The following IRF2 variants were observed in gnomAD, a reference collection of about 807,000 sequenced individuals.
IRF2 encodes the protein interferon regulatory factor 2.
IRF2 carries 15 observed loss-of-function variants against 40.6 expected under a neutral mutation model. The observed-to-expected ratio is 0.37, with a 90% CI of 0.25 to 0.57. IRF2 has a LOEUF of 0.57. IRF2 is among the 20% of genes least tolerant of loss of function. IRF2 has a pLI of 0.77. For synonymous variants in IRF2, 151 were observed against 165.5 expected, an observed-to-expected ratio of 0.91 and a Z score of 0.67; for missense variants, 317 against 455.7, an observed-to-expected ratio of 0.70 and a Z score of 2.77.
At chr4:184,419,321 C>T (rs1737396352) in intron 3 of IRF2, 148 bp downstream of exon 3, 3 of 638,724 alleles carry the variant, frequency 4.7e-6, no homozygotes, top group South Asian at 3.9e-5. Context: ...CAGTTTGTAC[C>T]CCATGTGTCC....
chr4:184,406,021 G>A (rs542874537), intron 6 of IRF2, among the ~76,000 whole-genome samples: 8 of 152,184 alleles, frequency 5.3e-5, no homozygotes, highest in South Asian at 4.1e-4. Context: ...GGCATATTGC[G>A]ATGTAAGGGT....
chr4:184,440,412 T>C (rs1390722627), intron 1 of IRF2, among the ~76,000 whole-genome samples: 3 of 152,234 alleles, frequency 2.0e-5, no homozygotes, highest in African/African-American at 7.2e-5. Context: ...GGCTTATATA[T>C]TAACGTGGGC....
At chr4:184,419,732 C>T (rs1181749849) in intron 2 of IRF2, among the ~76,000 whole-genome samples, 164 bp from the exon 3 acceptor site, 3 of 152,188 alleles carry the variant, frequency 2.0e-5, no homozygotes, top group African/African-American at 4.8e-5. Context: ...CCACTTCCCC[C>T]GCTGGATCCC....
At chr4:184,443,003 G>A (rs571143051) in intron 1 of IRF2, among the ~76,000 whole-genome samples, 271 of 151,300 alleles carry the variant, frequency 1.8e-3, no homozygotes, top group African/African-American at 6.4e-3. Flanking sequence ...TCTGCTCACT[G>A]CACCCTCCGC....
chr4:184,404,050 C>T (rs377376318), intron 6 of IRF2, among the ~76,000 whole-genome samples: 35 of 152,164 alleles, frequency 2.3e-4, no homozygotes, highest in African/African-American at 7.7e-4. Flanking sequence ...TAGGTCTCCA[C>T]CTGAGAAAGC....
intron 2 of IRF2, among the ~76,000 whole-genome samples, chr4:184,422,132 C>G (rs1196522256): frequency 2.6e-5 from 4 of 152,188 alleles, no homozygotes; most frequent in Non-Finnish European, 5.9e-5. Flanking sequence ...TTAACAGAGG[C>G]AGATGCCAAG....
chr4:184,429,323 G>A (rs1737788364), intron 1 of IRF2, among the ~76,000 whole-genome samples: 1 of 152,128 alleles, frequency 6.6e-6, no homozygotes, highest in Admixed American at 6.5e-5. Context: ...GGACATTGGA[G>A]ACCAGGACCC....
At chr4:184,450,966 C>T (rs951907652) in intron 1 of IRF2, among the ~76,000 whole-genome samples, 4 of 151,988 alleles carry the variant, frequency 2.6e-5, no homozygotes, top group Non-Finnish European at 4.4e-5. Context: ...TGGTGCAAAC[C>T]GAAAAGACTA....
chr4:184,415,658 C>T (rs1382444823), intron 5 of IRF2, among the ~76,000 whole-genome samples: 1 of 152,240 alleles, frequency 6.6e-6, no homozygotes, highest in East Asian at 1.9e-4. Context: ...TGGCATCTGG[C>T]GTTCGATGGA....
At position 184,408,022 on chromosome 4, in the gene IRF2, G is replaced by T; in HGVS notation, c.529+136C>A. On this transcript the variant is annotated intron_variant, in intron 6 of 8. Coordinates refer to ENST00000393593, the MANE Select transcript of IRF2 (RefSeq NM_002199.4). The surrounding 1 kb of genome is among the most constrained non-coding windows in gnomAD (Gnocchi z 4.9). The stretch of plus-strand genomic sequence containing the variant: ...TCGTTTCTCAGCCTTGAAATCTGGG[G>T]GCTGGAACTTGCATTCTGAGATGAT... 1 of 582,822 alleles carries T rather than the reference G, an allele frequency of 1.7e-6. No individual in the cohort carries two copies. Among genetic ancestry groups the T allele is most frequent in the Non-Finnish European group, 3.1e-6 (1 of 322,948 alleles). 36.1% of individuals were successfully genotyped at this position (582,822 alleles called of 1,614,324 possible). A position where few individuals can be genotyped will look rare whatever the true frequency, so the allele number is the denominator to read the frequency against.
In IRF2 at chr4:184,396,426, A is replaced by AT. The variant is rs59546735; in HGVS notation, c.694+2488dup. On this transcript the variant is annotated intron_variant, in intron 7 of 8. Transcript: ENST00000393593. The stretch of plus-strand genomic sequence containing the variant: ...GCCAGCCGCAGATCCATATATATAT[A>AT]TTTTTTTTTCTTTTTTTTTTTTTTT... 5.5e-3 allele frequency among the ~76,000 whole-genome samples: 764 copies of AT among 139,712 alleles called. 5 individuals are homozygous for AT. The highest frequency in any genetic ancestry group is 0.02 in the African/African-American group (694 of 34,138). 91.7% of individuals were successfully genotyped at this position (139,712 alleles called of 152,430 possible).
intron 1 of IRF2, among the ~76,000 whole-genome samples, chr4:184,444,422 G>A (rs1229104013): frequency 2.6e-5 from 4 of 152,196 alleles, no homozygotes; most frequent in African/African-American, 9.6e-5. Flanking sequence ...CTATGCCTCA[G>A]TTTTCTCCTC....
intron 6 of IRF2, among the ~76,000 whole-genome samples, chr4:184,406,033 C>T (rs2149895602): frequency 6.6e-6 from 1 of 152,130 alleles, no homozygotes; most frequent in South Asian, 2.1e-4. Flanking sequence ...TGTAAGGGTT[C>T]ACATCTCATA....
chr4:184,452,770 C>CAAAAAAAAAAAAAAAA (rs530415114), intron 1 of IRF2, among the ~76,000 whole-genome samples: 26 of 53,824 alleles, frequency 4.8e-4, no homozygotes, highest in East Asian at 3.4e-3. Flanking sequence ...GACCCTGTCT[C>CAAAAAAAAAAAAAAAA]AAAAAAAAAA....
chr4:184,461,738 T>C (rs768698007), intron 1 of IRF2, among the ~76,000 whole-genome samples: 56 of 132,636 alleles, frequency 4.2e-4, no homozygotes, highest in Non-Finnish European at 6.2e-4. Flanking sequence ...GCGAGGACTT[T>C]CAAGAAAAAC....
chr4:184,465,390 A>G (rs1052603436), intron 1 of IRF2, among the ~76,000 whole-genome samples: 24 of 152,180 alleles, frequency 1.6e-4, no homozygotes, highest in Admixed American at 1.2e-3. Flanking sequence ...CAGAGATGAC[A>G]TATTAGCACT....
In IRF2 at chr4:184,453,242, A is replaced by C. The variant is rs114448804; in HGVS notation, c.-7+21137T>G. ...TTTCTAGAAAAATTTATGCAAGGCCATTAAGACCTAAAAGGGTAGACTGAC... is the reference window on the plus strand; with the variant it reads ...TTTCTAGAAAAATTTATGCAAGGCCCTTAAGACCTAAAAGGGTAGACTGAC... On this transcript the variant is annotated intron_variant, in intron 1 of 8. Transcript: ENST00000393593. Among the ~76,000 whole-genome samples the C allele has an allele frequency of 8.0e-3, 1,212 of 152,322 alleles. 16 individuals carry two copies. Among genetic ancestry groups the C allele is most frequent in the African/African-American group, 0.027 (1,125 of 41,562 alleles).
intron 6 of IRF2, among the ~76,000 whole-genome samples, chr4:184,401,020 G>C (rs1421746959): frequency 1.3e-5 from 2 of 152,244 alleles, no homozygotes; most frequent in Non-Finnish European, 2.9e-5. Flanking sequence ...TCGTTATCCT[G>C]TTATAGATGA....
At chr4:184,398,791 T>C (rs1243803684) in intron 7 of IRF2, 124 bp downstream of exon 7, 1 of 773,558 alleles carries the variant, frequency 1.3e-6, no homozygotes, top group East Asian at 2.8e-5. Flanking sequence ...TATGAAAAAC[T>C]CCAGGGAGAA....
Sources: allele counts gnomAD v4.1 joint callset (sites outside exome capture counted in the v4.1 genomes callset), GRCh38; gene constraint gnomAD v4.1.1; non-coding constraint Gnocchi (gnomAD v3.1); transcripts MANE v1.5; gene names NCBI Gene and HGNC (gene_info 2026-07-23, HGNC 2026-07-21).